Variants in KCND2 observed in about 807,000 individuals in gnomAD.
KCND2 encodes the protein potassium voltage-gated channel subfamily D member 2, also known as A-type voltage-gated potassium channel KCND2.
KCND2 carries 16 observed loss-of-function variants against 54.4 expected under a neutral mutation model. The ratio of observed to expected loss-of-function variants is 0.29; its 90% confidence interval spans 0.20 to 0.45. The LOEUF is 0.45. KCND2 is among the 20% of genes least tolerant of loss of function. KCND2 has a pLI of 1.00. For missense variants in KCND2, 486 were observed against 824.2 expected, an observed-to-expected ratio of 0.59 and a Z score of 5.02; for synonymous variants, 317 against 310.7, an observed-to-expected ratio of 1.02 and a Z score of -0.21.
At chr7:120,550,686 A>T (rs1464368532) in intron 1 of KCND2, among the ~76,000 whole-genome samples, 1 of 152,188 alleles carries the variant, frequency 6.6e-6, no homozygotes, top group African/African-American at 2.4e-5. Context: ...GAGTCATTTC[A>T]GGATAAAACA....
At position 120,722,410 on chromosome 7, in the gene KCND2, C is replaced by T. The variant is rs547409022; in HGVS notation, c.1116-10493C>T. ...CCCGCCAGGAGGGATACAACTTGTA[C>T]TCACAATACCATCATCTCAGTCAGA... On this transcript the variant is annotated intron_variant, in intron 1 of 5. Coordinates refer to ENST00000331113, the MANE Select transcript of KCND2 (RefSeq NM_012281.3). 1.3e-4 allele frequency among the ~76,000 whole-genome samples: 20 copies of T among 152,300 alleles called. No individual in the cohort carries two copies. The East Asian group carries it at 2.7e-3, about 21-fold the overall frequency.
chr7:120,601,875 A>G (rs1286632302), intron 1 of KCND2, among the ~76,000 whole-genome samples: 1 of 152,208 alleles, frequency 6.6e-6, no homozygotes, highest in African/African-American at 2.4e-5. Context: ...TAGCTAATTT[A>G]TAGGTTCACC....
rs562708425 is a variant in KCND2, at chr7:120,585,924, T to C, written c.1116-146979T>C. ...CACATTAATGAGAAAATTCTCCAGGTTTCACCATGGAAAATTGGCAGCTTT... is the reference window on the plus strand; with the variant it reads ...CACATTAATGAGAAAATTCTCCAGGCTTCACCATGGAAAATTGGCAGCTTT... On this transcript the variant is annotated intron_variant, in intron 1 of 5. Coordinates refer to ENST00000331113, the MANE Select transcript of KCND2 (RefSeq NM_012281.3). Among the ~76,000 whole-genome samples the C allele has an allele frequency of 4.6e-5, 7 of 152,286 alleles. No homozygotes were observed. The East Asian group carries it at 1.4e-3, about 29-fold the overall frequency.
intron 1 of KCND2, among the ~76,000 whole-genome samples, chr7:120,280,517 T>G (rs917092450): frequency 6.7e-6 from 1 of 150,048 alleles, no homozygotes; most frequent in African/African-American, 2.5e-5. Flanking sequence ...TTTAGACTAC[T>G]GATAAACTGT....
chr7:120,484,487 TATATA>T (rs1321347498), intron 1 of KCND2, among the ~76,000 whole-genome samples: 9 of 150,346 alleles, frequency 6.0e-5, no homozygotes, highest in East Asian at 1.9e-4. Context: ...CAAATATTTT[TATATA>T]ATATAATATA....
At chr7:120,453,470 C>A (rs572252286) in intron 1 of KCND2, among the ~76,000 whole-genome samples, 2 of 152,308 alleles carry the variant, frequency 1.3e-5, no homozygotes, top group Admixed American at 6.5e-5. Flanking sequence ...GTGACCCCAC[C>A]CAATCCTGCA....
intron 1 of KCND2, among the ~76,000 whole-genome samples, chr7:120,675,067 G>A (rs1342093147): frequency 1.3e-5 from 2 of 150,094 alleles, no homozygotes; most frequent in African/African-American, 4.9e-5. Context: ...TTGAAAATAT[G>A]AGTTTCTTTT....
At chr7:120,740,225 A>T (rs1487452320) in intron 2 of KCND2, among the ~76,000 whole-genome samples, 1 of 152,056 alleles carries the variant, frequency 6.6e-6, no homozygotes, top group Non-Finnish European at 1.5e-5. Context: ...TCTGAAGCCT[A>T]GGAGTGGGAT....
chr7:120,416,240 C>T (rs1291348765), intron 1 of KCND2, among the ~76,000 whole-genome samples: 1 of 152,164 alleles, frequency 6.6e-6, no homozygotes. Flanking sequence ...TGCCCCACTT[C>T]GTTCTCCAGC....
intron 1 of KCND2, among the ~76,000 whole-genome samples, chr7:120,341,969 C>T (rs552452857): frequency 3.3e-5 from 5 of 152,066 alleles, no homozygotes; most frequent in South Asian, 4.2e-4. Context: ...TAGAAGTGGC[C>T]GTGTGTCAAT....
intron 1 of KCND2, among the ~76,000 whole-genome samples, chr7:120,724,619 T>C (rs1050876444): frequency 2.0e-5 from 3 of 152,112 alleles, no homozygotes; most frequent in Non-Finnish European, 4.4e-5. Flanking sequence ...CTGCAGGTGA[T>C]GGAGAGACAC....
chr7:120,419,889 C>A (rs1801585220), intron 1 of KCND2, among the ~76,000 whole-genome samples: 1 of 151,886 alleles, frequency 6.6e-6, no homozygotes, highest in South Asian at 2.1e-4. Flanking sequence ...ATAAACTTCA[C>A]TCCCACTGCC....
At chr7:120,420,182 T>C (rs1032222180) in intron 1 of KCND2, among the ~76,000 whole-genome samples, 1 of 152,140 alleles carries the variant, frequency 6.6e-6, no homozygotes, top group Non-Finnish European at 1.5e-5. Context: ...TAGTTAGTGC[T>C]TAGCATAGAA....
intron 1 of KCND2, among the ~76,000 whole-genome samples, chr7:120,657,461 C>T (rs1197397015): frequency 6.6e-6 from 1 of 152,070 alleles, no homozygotes; most frequent in Non-Finnish European, 1.5e-5. Context: ...TACCCTTAGG[C>T]CTCTGTTATA....
At chr7:120,279,738 C>T (rs1008892575) in intron 1 of KCND2, among the ~76,000 whole-genome samples, 57 of 151,766 alleles carry the variant, frequency 3.8e-4, no homozygotes, top group Middle Eastern at 3.4e-3. Flanking sequence ...ATTTTCATAG[C>T]GATGTATCAG....
intron 1 of KCND2, among the ~76,000 whole-genome samples, chr7:120,501,351 T>A (rs1186797077): frequency 6.6e-6 from 1 of 152,170 alleles, no homozygotes; most frequent in Non-Finnish European, 1.5e-5. Context: ...GACAGGTCCC[T>A]TAAGATTTTG....
intron 1 of KCND2, among the ~76,000 whole-genome samples, chr7:120,605,128 G>A (rs1215765404): frequency 6.6e-6 from 1 of 152,176 alleles, no homozygotes; most frequent in Non-Finnish European, 1.5e-5. Flanking sequence ...ATTTGGCAAT[G>A]TTTGGAAACA....
chr7:120,682,006 A>C (rs1237726414), intron 1 of KCND2, among the ~76,000 whole-genome samples: 1 of 152,010 alleles, frequency 6.6e-6, no homozygotes, highest in Non-Finnish European at 1.5e-5. Flanking sequence ...GCAAATGATA[A>C]AATCCTATAA....
At chr7:120,367,641 C>CT (rs563751531) in intron 1 of KCND2, among the ~76,000 whole-genome samples, 153 of 137,638 alleles carry the variant, frequency 1.1e-3, no homozygotes, top group East Asian at 2.5e-3. Flanking sequence ...TTTTCTTTTT[C>CT]TTTTTTTTTT....
Sources: gnomAD v4.1 joint callset for allele counts (sites outside exome capture counted in the v4.1 genomes callset) on GRCh38, gnomAD v4.1.1 for gene constraint, MANE v1.5 for transcripts, NCBI Gene and HGNC (gene_info 2026-07-23, HGNC 2026-07-21) for gene names.